Variants in COL11A1 observed in about 807,000 individuals in gnomAD.
COL11A1 encodes the protein collagen type XI alpha 1 chain, also known as collagen alpha-1(XI) chain.
Under a neutral mutation model 265.2 loss-of-function variants are expected in COL11A1, and 74 were observed. The observed-to-expected ratio is 0.28, with a 90% confidence interval of 0.23 to 0.34. The LOEUF is 0.34. Among genes scored for constraint, COL11A1 ranks in the 10% least tolerant of loss-of-function variants. The pLI is 1.00. For synonymous variants in COL11A1, 816 were observed against 727.6 expected, an observed-to-expected ratio of 1.12 and a Z score of -1.96; for missense variants, 2,165 against 2,263.6, an observed-to-expected ratio of 0.96 and a Z score of 0.88.
intron 1 of COL11A1, among the ~76,000 whole-genome samples, chr1:103,099,332 T>G (rs2102408272): frequency 6.6e-6 from 1 of 151,720 alleles, no homozygotes; most frequent in South Asian, 2.1e-4. Flanking sequence ...CTTCATAATA[T>G]AATAATTCCA....
intron 4 of COL11A1, 73 bp downstream of exon 4, chr1:103,074,545 C>G (rs1671824076): frequency 1.3e-6 from 2 of 1,543,036 alleles, no homozygotes; most frequent in African/African-American, 1.4e-5. Flanking sequence ...TGCTATAAAG[C>G]GATATTTTTA....
chr1:102,938,081 G>A (rs1387657382), intron 44 of COL11A1, among the ~76,000 whole-genome samples: 2 of 152,074 alleles, frequency 1.3e-5, no homozygotes, highest in Non-Finnish European at 2.9e-5. Flanking sequence ...TCATTCTAGT[G>A]TTTTCTTTTT....
At chr1:103,023,076 T>A in intron 7 of COL11A1, 80 bp from the exon 8 acceptor site, 1 of 1,447,580 alleles carries the variant, frequency 6.9e-7, no homozygotes, top group Non-Finnish European at 9.6e-7. Flanking sequence ...AATTACAATT[T>A]GATAGCGTGT....
At chr1:103,071,629 AAAG>A (rs2102265470) in intron 4 of COL11A1, among the ~76,000 whole-genome samples, 1 of 151,624 alleles carries the variant, frequency 6.6e-6, no homozygotes, top group East Asian at 1.9e-4. Context: ...GTAGGCCAGA[AAAG>A]AAGTACTTCA....
intron 5 of COL11A1, among the ~76,000 whole-genome samples, chr1:103,030,378 A>G (rs2101990562): frequency 6.6e-6 from 1 of 152,208 alleles, no homozygotes; most frequent in Admixed American, 6.6e-5. Flanking sequence ...TCACATGCAG[A>G]ACTAACAATT....
At chr1:102,969,597 T>C (rs1256827219) in intron 37 of COL11A1, among the ~76,000 whole-genome samples, 1 of 152,240 alleles carries the variant, frequency 6.6e-6, no homozygotes, top group African/African-American at 2.4e-5. Context: ...CAGTTTCCTC[T>C]CTGCCCAAAT....
At chr1:103,064,248 C>T (rs1384191196) in intron 4 of COL11A1, among the ~76,000 whole-genome samples, 2 of 152,074 alleles carry the variant, frequency 1.3e-5, no homozygotes, top group African/African-American at 2.4e-5. Flanking sequence ...GAAAACTGCA[C>T]ATAATTATCT....
At chr1:102,902,299 G>A (rs1653310965) in intron 54 of COL11A1, among the ~76,000 whole-genome samples, 1 of 152,136 alleles carries the variant, frequency 6.6e-6, no homozygotes, top group Non-Finnish European at 1.5e-5. Context: ...GAGGAAAAAA[G>A]AGAATTGGAG....
chr1:103,036,794 A>G (rs574092473), intron 4 of COL11A1, among the ~76,000 whole-genome samples: 1 of 152,228 alleles, frequency 6.6e-6, no homozygotes, highest in South Asian at 2.1e-4. Context: ...CATCTTTAGC[A>G]TACAAGGCAT....
intron 4 of COL11A1, among the ~76,000 whole-genome samples, chr1:103,062,936 G>C (rs1381036867): frequency 6.6e-6 from 1 of 151,910 alleles, no homozygotes; most frequent in Non-Finnish European, 1.5e-5. Context: ...ATTTTCTTAA[G>C]AAGAATTTGA....
intron 57 of COL11A1, among the ~76,000 whole-genome samples, chr1:102,896,059 T>C (rs939953191): frequency 2.0e-5 from 3 of 152,028 alleles, no homozygotes; most frequent in Non-Finnish European, 2.9e-5. Flanking sequence ...TAATTGTTGA[T>C]ATAAAAGTGA....
intron 4 of COL11A1, among the ~76,000 whole-genome samples, chr1:103,062,746 G>C (rs983039012): frequency 6.6e-6 from 1 of 151,940 alleles, no homozygotes; most frequent in Non-Finnish European, 1.5e-5. Context: ...GGGAGTCCTA[G>C]TTGATGCAGT....
intron 54 of COL11A1, among the ~76,000 whole-genome samples, chr1:102,900,920 C>T (rs911765301): frequency 1.3e-5 from 2 of 151,880 alleles, no homozygotes; most frequent in Admixed American, 1.3e-4. Flanking sequence ...AGAAAAATGA[C>T]GACAAAAGCA....
chr1:102,965,104 C>A (rs1661279517), intron 38 of COL11A1, among the ~76,000 whole-genome samples: 1 of 152,010 alleles, frequency 6.6e-6, no homozygotes, highest in African/African-American at 2.4e-5. Flanking sequence ...CTAATTTATA[C>A]TCAAAACCAT....
intron 12 of COL11A1, 33 bp from the exon 13 acceptor site, chr1:103,014,627 T>G (rs1344303273): frequency 6.4e-7 from 1 of 1,568,746 alleles, no homozygotes; most frequent in Non-Finnish European, 8.8e-7. Context: ...AATTCAAAAT[T>G]AGCTTTGTCA....
intron 65 of COL11A1, 135 bp downstream of exon 65, chr1:102,881,562 G>A (rs1650244597): frequency 4.1e-6 from 3 of 733,362 alleles, no homozygotes; most frequent in Admixed American, 2.2e-5. Flanking sequence ...GATATTAAGT[G>A]GAACAAACTA....
intron 57 of COL11A1, among the ~76,000 whole-genome samples, chr1:102,895,095 T>C (rs1652254271): frequency 6.6e-6 from 1 of 152,202 alleles, no homozygotes; most frequent in Non-Finnish European, 1.5e-5. Context: ...ATGTGAAATA[T>C]GTACTTTTTC....
At chr1:103,025,744 G>T in intron 6 of COL11A1, 131 bp from the exon 7 acceptor site, 1 of 1,598,950 alleles carries the variant, frequency 6.3e-7, no homozygotes, top group Non-Finnish European at 8.6e-7. Context: ...TATGATTCAT[G>T]ATCAGAGATC....
chr1:102,921,614 A>C, intron 47 of COL11A1, 43 bp from the exon 48 acceptor site: 2 of 1,481,198 alleles, frequency 1.4e-6, no homozygotes, highest in East Asian at 4.5e-5. Context: ...CCAAATTCAA[A>C]TGTGTTTCCA....
Sources: gnomAD v4.1 joint callset for allele counts (sites outside exome capture counted in the v4.1 genomes callset) on GRCh38, gnomAD v4.1.1 for gene constraint, MANE v1.5 for transcripts, NCBI Gene and HGNC (gene_info 2026-07-23, HGNC 2026-07-21) for gene names.